The following RPA3 variants were observed in gnomAD, a reference collection of about 807,000 sequenced individuals.
RPA3 encodes the protein replication protein A3, also known as replication protein A 14 kDa subunit.
RPA3 carries 24 observed loss-of-function variants against 13.7 expected under a neutral mutation model. That is an observed-to-expected ratio of 1.75 (90% CI 1.27 to 2.46). RPA3 has a LOEUF of 2.46. Ranked by LOEUF, RPA3 falls within the 30% of genes most tolerant of loss-of-function variation. The pLI is 0.00. For missense variants in RPA3, 183 were observed against 151.0 expected, an observed-to-expected ratio of 1.21 and a Z score of -1.11; for synonymous variants, 59 against 51.2, an observed-to-expected ratio of 1.15 and a Z score of -0.65.
chr7:7,714,536 A>G (rs1285006092), intron 2 of RPA3, among the ~76,000 whole-genome samples: 2 of 152,246 alleles, frequency 1.3e-5, no homozygotes, highest in Non-Finnish European at 2.9e-5. Context: ...GGAGCTGTCA[A>G]TTTAGGTGTG....
At chr7:7,715,877 A>C (rs1306953759) in intron 1 of RPA3, among the ~76,000 whole-genome samples, 3 of 152,214 alleles carry the variant, frequency 2.0e-5, no homozygotes, top group Non-Finnish European at 4.4e-5. Flanking sequence ...GCATAGAGCA[A>C]AATTTACATT....
At position 7,665,014 on chromosome 7, in the gene RPA3, T is replaced by TATAC. The variant is rs1554311665; in HGVS notation, c.-758+20815_-758+20816insGTAT. On this transcript the variant is annotated intron_variant, in intron 4 of 7. Transcript: ENST00000223129. ...TGGGTGATATATAGATATATATATA[T>TATAC]ACACACACACACACATTCATACACA... Among the ~76,000 whole-genome samples the TATAC allele has an allele frequency of 1.8e-3, 271 of 148,054 alleles. 1 individual carries two copies. The highest frequency in any genetic ancestry group is 6.0e-3 in the African/African-American group (249 of 41,190).
chr7:7,678,136 G>T (rs1222102563), intron 4 of RPA3, among the ~76,000 whole-genome samples: 1 of 21,516 alleles, frequency 4.6e-5, no homozygotes, highest in Non-Finnish European at 8.1e-5. Flanking sequence ...TAGTAGTTCT[G>T]TTTTTAGTTT....
intron 4 of RPA3, among the ~76,000 whole-genome samples, chr7:7,682,288 A>G (rs1422930575): frequency 2.0e-5 from 3 of 152,192 alleles, no homozygotes; most frequent in Non-Finnish European, 2.9e-5. Context: ...ACACATTGAA[A>G]TATGTAATTT....
At chr7:7,717,653 C>T (rs1036618457) in intron 1 of RPA3, among the ~76,000 whole-genome samples, 1 of 151,970 alleles carries the variant, frequency 6.6e-6, no homozygotes, top group Admixed American at 6.6e-5. Context: ...TCTGTTTTTC[C>T]CACTTTGGGG....
intron 4 of RPA3, among the ~76,000 whole-genome samples, chr7:7,651,874 C>T (rs1052922819): frequency 2.0e-5 from 3 of 152,160 alleles, no homozygotes; most frequent in Non-Finnish European, 2.9e-5. Context: ...TTCTTCTGCT[C>T]AGAGTTTTTC....
chr7:7,714,608 T>G (rs1467405156), intron 2 of RPA3, among the ~76,000 whole-genome samples: 1 of 152,208 alleles, frequency 6.6e-6, no homozygotes, highest in Non-Finnish European at 1.5e-5. Context: ...CTTTAAATTC[T>G]CATTTGCTTT....
At chr7:7,667,520 T>C (rs1482307019) in intron 4 of RPA3, among the ~76,000 whole-genome samples, 4 of 152,190 alleles carry the variant, frequency 2.6e-5, no homozygotes, top group Non-Finnish European at 4.4e-5. Flanking sequence ...GGTTGCAGTT[T>C]TTTTTCCCTA....
chr7:7,639,177 A>G (rs375989216), intron 5 of RPA3, 33 bp from the exon 6 acceptor site: 5 of 1,555,162 alleles, frequency 3.2e-6, no homozygotes, highest in Non-Finnish European at 4.4e-6. Context: ...AAATCTCACT[A>G]AAACAACAAC....
chr7:7,697,000 C>T (rs1234705879), intron 2 of RPA3, among the ~76,000 whole-genome samples: 1 of 152,204 alleles, frequency 6.6e-6, no homozygotes, highest in Non-Finnish European at 1.5e-5. Context: ...AACACCCTCT[C>T]TTTGCTCCAA....
chr7:7,698,983 TA>T (rs1463558133), intron 2 of RPA3, among the ~76,000 whole-genome samples: 2 of 150,834 alleles, frequency 1.3e-5, no homozygotes, highest in African/African-American at 4.9e-5. Flanking sequence ...GCCCCCCAAG[TA>T]TCTGGGACTA....
rs558261201 is a variant in RPA3, at chr7:7,663,789, A to G, written c.-758+22041T>C. Among the ~76,000 whole-genome samples the G allele has an allele frequency of 2.6e-3, 401 of 152,340 alleles. 3 individuals are homozygous for G. Among genetic ancestry groups the G allele is most frequent in the African/African-American group, 9.2e-3 (384 of 41,572 alleles). ...GGGGCAATAACGAATGCATTTTACC[A>G]GAAGCATTTTTATGGATAGGAATTA... is the stretch of plus-strand genomic sequence containing the variant. On this transcript the variant is annotated intron_variant, in intron 4 of 7. Transcript: ENST00000223129.
intron 2 of RPA3, among the ~76,000 whole-genome samples, chr7:7,706,868 A>G (rs1293040276): frequency 2.0e-5 from 3 of 152,300 alleles, no homozygotes; most frequent in Non-Finnish European, 4.4e-5. Context: ...ACTTAGATTT[A>G]AAATAAAATC....
chr7:7,662,677 G>C (rs1024023153), intron 4 of RPA3, among the ~76,000 whole-genome samples: 2 of 152,088 alleles, frequency 1.3e-5, no homozygotes, highest in Non-Finnish European at 2.9e-5. Flanking sequence ...GAGATGAGCC[G>C]GGTACCTCAG....
intron 2 of RPA3, among the ~76,000 whole-genome samples, chr7:7,709,289 T>C: frequency 6.6e-6 from 1 of 152,244 alleles, no homozygotes; most frequent in East Asian, 1.9e-4. Flanking sequence ...TAGACTATAT[T>C]CTTTGTAAAT....
chr7:7,691,667 T>G (rs1780175326), intron 2 of RPA3, among the ~76,000 whole-genome samples: 1 of 152,242 alleles, frequency 6.6e-6, no homozygotes, highest in Non-Finnish European at 1.5e-5. Context: ...TCTAAAGTTT[T>G]CTTAGAAAGA....
chr7:7,691,994 A>G (rs1780183456), intron 2 of RPA3, among the ~76,000 whole-genome samples: 1 of 152,236 alleles, frequency 6.6e-6, no homozygotes, highest in African/African-American at 2.4e-5. Context: ...AATGCTAGAA[A>G]CTGAGGTGAA....
intron 4 of RPA3, among the ~76,000 whole-genome samples, chr7:7,667,988 C>T (rs757984639): frequency 2.0e-4 from 30 of 152,122 alleles, no homozygotes; most frequent in Non-Finnish European, 4.3e-4. Flanking sequence ...AGTGCAGTGG[C>T]TCACTTTCAC....
chr7:7,644,443 C>A (rs1385005114), intron 4 of RPA3, among the ~76,000 whole-genome samples: 3 of 150,838 alleles, frequency 2.0e-5, no homozygotes, highest in Admixed American at 6.6e-5. Context: ...CCATTAAAAT[C>A]TCATTTATGA....
Sources: allele counts gnomAD v4.1 joint callset (sites outside exome capture counted in the v4.1 genomes callset), GRCh38; gene constraint gnomAD v4.1.1; transcripts MANE v1.5; gene names NCBI Gene and HGNC (gene_info 2026-07-23, HGNC 2026-07-21).